The following PRIM2 variants were observed in gnomAD, a reference collection of about 807,000 sequenced individuals.
PRIM2 encodes the protein DNA primase large subunit.
PRIM2 carries 39 observed loss-of-function variants against 67.3 expected under a neutral mutation model. That is an observed-to-expected ratio of 0.58 (90% CI 0.45 to 0.76). PRIM2 has a LOEUF of 0.76. PRIM2 is among the 30% of genes least tolerant of loss of function. The pLI, the probability that PRIM2 is intolerant of heterozygous loss-of-function variation, is 0.00. For missense variants in PRIM2, 398 were observed against 598.7 expected (o/e 0.66, Z 3.50); for synonymous variants, 143 against 198.7 (o/e 0.72, Z 2.36).
chr6:57,411,090 C>T (rs1351030196), intron 7 of PRIM2, among the ~76,000 whole-genome samples: 9 of 151,792 alleles, frequency 5.9e-5, no homozygotes, highest in Admixed American at 1.3e-4. Context: ...AATGAGTTCT[C>T]CTGAGATCTG....
chr6:57,550,132 A>C (rs1304162226), intron 10 of PRIM2, among the ~76,000 whole-genome samples: 3 of 151,884 alleles, frequency 2.0e-5, no homozygotes, highest in African/African-American at 7.3e-5. Context: ...AAATAGTCTA[A>C]TCTTTGTCAT....
intron 10 of PRIM2, among the ~76,000 whole-genome samples, chr6:57,592,007 T>C (rs1776289589): frequency 6.6e-6 from 1 of 152,152 alleles, no homozygotes; most frequent in African/African-American, 2.4e-5. Context: ...AACAAAATCA[T>C]GTCCTTTGCA....
At chr6:57,288,855 G>A in the PRIM2 span, among the ~76,000 whole-genome samples, 4 of 152,188 alleles carry the variant, frequency 2.6e-5, no homozygotes, top group Admixed American at 2.6e-4. Context: ...AGAAACCAGA[G>A]CAGAAAAGCT....
chr6:57,600,336 G>GATTATT (rs1190863948), intron 10 of PRIM2, among the ~76,000 whole-genome samples: 330 of 146,286 alleles, frequency 2.3e-3, no homozygotes, highest in Non-Finnish European at 3.5e-3. Context: ...CAGAGGAAGG[G>GATTATT]ATTATTATTA....
intron 9 of PRIM2, among the ~76,000 whole-genome samples, chr6:57,534,148 C>A (rs1325702540): frequency 6.6e-6 from 1 of 152,186 alleles, no homozygotes; most frequent in Non-Finnish European, 1.5e-5. Context: ...TGGGCCTCTT[C>A]AAGTAGAGAC....
At chr6:57,315,314 T>C (rs905111843), upstream of PRIM2, among the ~76,000 whole-genome samples, 3 of 152,000 alleles carry the variant, frequency 2.0e-5, no homozygotes, top group African/African-American at 7.3e-5. Context: ...AAGAGAGCTT[T>C]CATCACATTG....
intron 8 of PRIM2, among the ~76,000 whole-genome samples, chr6:57,525,169 C>T (rs1554349247): frequency 0.099 from 14,969 of 151,840 alleles, 923 homozygotes; most frequent in African/African-American, 0.17. Context: ...TCTGCCCCTC[C>T]GTCTGTTATG....
At chr6:57,606,032 G>T (rs1480462391) in intron 11 of PRIM2, among the ~76,000 whole-genome samples, 1 of 152,096 alleles carries the variant, frequency 6.6e-6, no homozygotes, top group African/African-American at 2.4e-5. Context: ...TAAGAAGATT[G>T]TATAAAGTTT....
rs1157239523 is a variant in PRIM2, at chr6:57,573,413, CT to C, written c.1021-27672del. On this transcript the variant is annotated intron_variant, in intron 10 of 13. Transcript: ENST00000615550. ...CTCAGATTTGCATAGTCATCCTCAG[CT>C]TTTTTTTATTACAGTCTATTTAAAT... 3.3e-5 allele frequency among the ~76,000 whole-genome samples: 5 copies of C among 151,766 alleles called. No individual in the cohort carries two copies. In the East Asian group the frequency reaches 5.8e-4, roughly 18 times the overall value.
intron 10 of PRIM2, among the ~76,000 whole-genome samples, chr6:57,569,531 A>G (rs2127480992): frequency 6.6e-6 from 1 of 152,236 alleles, no homozygotes; most frequent in South Asian, 2.1e-4. Context: ...TACAAAAAGT[A>G]AGGAAGTTCT....
chr6:57,428,207 C>T (rs1581895016), intron 7 of PRIM2, among the ~76,000 whole-genome samples: 2 of 152,046 alleles, frequency 1.3e-5, no homozygotes, highest in Non-Finnish European at 2.9e-5. Flanking sequence ...ATGTGTTAAA[C>T]CTGTCATTGT....
chr6:57,346,610 G>A (rs1442180579), intron 5 of PRIM2, among the ~76,000 whole-genome samples: 1 of 152,078 alleles, frequency 6.6e-6, no homozygotes, highest in Admixed American at 6.5e-5. Flanking sequence ...GAGTCACCAC[G>A]CCCAGCCATG....
chr6:57,324,277 A>G lies in PRIM2; in HGVS notation c.335A>G (p.Gln112Arg). 1 of 1,578,218 alleles carries G rather than the reference A, an allele frequency of 6.3e-7. No individual in the cohort carries two copies. Among genetic ancestry groups the G allele is most frequent in the Non-Finnish European group, 8.7e-7 (1 of 1,153,650 alleles). The part of the protein sequence containing the change: ...SHFILRLAYC[Q>R]SEELRRWFIQ... ...TTTATTTTGCGGCTTGCTTATTGCC[A>G]GTCGTAAGTATATGTTTATATTCTC... The change falls in exon 4 of 14, where the codon CAG becomes CGG. Residue 112 changes from glutamine to arginine, a missense_variant. By Grantham distance (43) the Gln-to-Arg change is conservative. Transcript: ENST00000615550.
At position 57,532,481 on chromosome 6, in the gene PRIM2, T is replaced by A; in HGVS notation, c.832T>A (p.Leu278Met). The A allele has an allele frequency of 7.0e-7, 1 of 1,419,730 alleles. No homozygotes were observed. The highest frequency in any genetic ancestry group is 9.6e-7 in the Non-Finnish European group (1 of 1,040,784). The allele number at this position is 1,419,730 out of a possible 1,614,324, so 87.9% of individuals were successfully genotyped here. Residue 278 changes from leucine to methionine, a missense_variant and splice_region_variant, in exon 9 of 14, where the codon TTG becomes ATG. By Grantham distance (15) the Leu-to-Met change is conservative (BLOSUM62 2). Coordinates refer to ENST00000615550, the MANE Select transcript of PRIM2 (RefSeq NM_000947.5). ...GAAGATTTCTTTAGATCAGATTGAT[T>A]TGGTAAGTAGAACATTATTTTAAAC... ...VGKISLDQID[L>M]LSTKSFPPCM... is the part of the protein sequence containing the mutation.
At chr6:57,381,371 T>C (rs1769955323) in intron 6 of PRIM2, among the ~76,000 whole-genome samples, 2 of 152,326 alleles carry the variant, frequency 1.3e-5, no homozygotes, top group African/African-American at 4.8e-5. Context: ...AAAATTCTAT[T>C]GGAGAGTAAG....
Position 57,382,051 on chromosome 6 carries a change from G to T in PRIM2, c.576G>T (p.Leu192=). The T allele has an allele frequency of 6.2e-7, 1 of 1,611,374 alleles. No homozygotes were observed. Among genetic ancestry groups the T allele is most frequent in the Non-Finnish European group, 8.5e-7 (1 of 1,178,462 alleles). Residue 192 remains leucine, a synonymous_variant, in exon 7 of 14, where the codon CTG becomes CTT. Transcript: ENST00000615550. ...SIYKIPFADA[L]DLFRGRKVYL... ...TTCAGATCCCTTTTGCTGATGCTCTGGATTTGTTTCGAGGAAGGAAAGTCT... is the reference window on the plus strand; with the variant it reads ...TTCAGATCCCTTTTGCTGATGCTCTTGATTTGTTTCGAGGAAGGAAAGTCT...
chr6:57,456,804 C>T (rs1772803026), intron 7 of PRIM2, among the ~76,000 whole-genome samples: 1 of 152,192 alleles, frequency 6.6e-6, no homozygotes, highest in Non-Finnish European at 1.5e-5. Flanking sequence ...AGTCATTCTC[C>T]ATCCAGCTTT....
intron 12 of PRIM2, among the ~76,000 whole-genome samples, chr6:57,624,929 T>G (rs1776921715): frequency 6.6e-6 from 1 of 152,124 alleles, no homozygotes; most frequent in Non-Finnish European, 1.5e-5. Context: ...GAGGCACGTC[T>G]TACATAGCAG....
chr6:57,630,814 A>T (rs1395264700), intron 12 of PRIM2, among the ~76,000 whole-genome samples: 2 of 152,202 alleles, frequency 1.3e-5, no homozygotes, highest in Admixed American at 1.3e-4. Context: ...TGTGAAGAGC[A>T]TCAGACAACA....
Sources: allele counts gnomAD v4.1 joint callset (sites outside exome capture counted in the v4.1 genomes callset), GRCh38; gene constraint gnomAD v4.1.1; transcripts MANE v1.5; gene names NCBI Gene and HGNC (gene_info 2026-07-23, HGNC 2026-07-21).